SGCZ: variants seen among roughly 807,000 people sequenced by gnomAD.
SGCZ encodes the protein zeta-sarcoglycan.
SGCZ carries 40 observed loss-of-function variants against 41.3 expected under a neutral mutation model. That is an observed-to-expected ratio of 0.97 (90% CI 0.75 to 1.26). SGCZ has a LOEUF of 1.26. Ranked by LOEUF, SGCZ falls within the 50% of genes most tolerant of loss-of-function variation. The pLI, the probability that SGCZ is intolerant of heterozygous loss-of-function variation, is 0.00. For missense variants in SGCZ, 552 were observed against 369.8 expected (o/e 1.49, Z -4.04); for synonymous variants, 206 against 137.5 (o/e 1.50, Z -3.49).
chr8:14,181,765 C>A (rs1339474532), intron 4 of SGCZ, among the ~76,000 whole-genome samples: 1 of 152,178 alleles, frequency 6.6e-6, no homozygotes, highest in East Asian at 1.9e-4. Context: ...TGTGAGGCCT[C>A]CCCAGCCATG....
chr8:15,038,149 A>G (rs1480665015), intron 1 of SGCZ, among the ~76,000 whole-genome samples: 1 of 152,112 alleles, frequency 6.6e-6, no homozygotes, highest in African/African-American at 2.4e-5. Flanking sequence ...AATAACAAAA[A>G]CATTCTTGAG....
intron 3 of SGCZ, among the ~76,000 whole-genome samples, chr8:14,266,942 T>C (rs1486284715): frequency 6.6e-6 from 1 of 152,128 alleles, no homozygotes; most frequent in East Asian, 1.9e-4. Context: ...TTTCTTTTAC[T>C]AGCTAAATGA....
intron 1 of SGCZ, among the ~76,000 whole-genome samples, chr8:15,217,145 C>T (rs145138128): frequency 0.024 from 3,614 of 152,192 alleles, 75 homozygotes; most frequent in Non-Finnish European, 0.035. Context: ...TGGCCGGGCG[C>T]GGTGGCTCAC....
chr8:14,831,630 A>ATGTGTGTGTGTGTG (rs375068979), intron 1 of SGCZ, among the ~76,000 whole-genome samples: 1 of 135,074 alleles, frequency 7.4e-6, no homozygotes, highest in Non-Finnish European at 1.5e-5. Flanking sequence ...ACATAGACAC[A>ATGTGTGTGTGTGTG]TATGTGTGTG....
At chr8:14,951,657 T>C (rs117345860) in intron 1 of SGCZ, among the ~76,000 whole-genome samples, 500 of 152,170 alleles carry the variant, frequency 3.3e-3, no homozygotes, top group Non-Finnish European at 5.3e-3. Flanking sequence ...TGATCATTTG[T>C]AATTTACAAT....
intron 1 of SGCZ, among the ~76,000 whole-genome samples, chr8:14,742,082 GA>G (rs892145911): frequency 5.9e-5 from 9 of 151,534 alleles, no homozygotes; most frequent in South Asian, 2.1e-4. Flanking sequence ...GATTTAGAGG[GA>G]AAAAAAACCT....
chr8:14,450,830 A>C (rs1360707126), intron 2 of SGCZ, among the ~76,000 whole-genome samples: 2 of 152,198 alleles, frequency 1.3e-5, no homozygotes, highest in African/African-American at 4.8e-5. Flanking sequence ...CCTGGGCTTC[A>C]GCTCTATTTT....
chr8:14,738,181 A>T (rs1799102295), intron 1 of SGCZ, among the ~76,000 whole-genome samples: 1 of 152,078 alleles, frequency 6.6e-6, no homozygotes, highest in Non-Finnish European at 1.5e-5. Context: ...ATTACAAAAA[A>T]TCTCTGTTTT....
chr8:14,808,305 T>C (rs1585279112), intron 1 of SGCZ, among the ~76,000 whole-genome samples: 1 of 151,920 alleles, frequency 6.6e-6, no homozygotes, highest in East Asian at 1.9e-4. Flanking sequence ...ACCTACAAAA[T>C]GGGAGAAAAT....
intron 1 of SGCZ, among the ~76,000 whole-genome samples, chr8:14,822,185 T>C (rs1208831084): frequency 6.6e-6 from 1 of 152,086 alleles, no homozygotes; most frequent in Non-Finnish European, 1.5e-5. Flanking sequence ...AGCGTTTGTA[T>C]AGGCTAATAA....
intron 1 of SGCZ, among the ~76,000 whole-genome samples, chr8:14,839,182 G>A (rs919029587): frequency 8.5e-5 from 13 of 152,178 alleles, no homozygotes; most frequent in Non-Finnish European, 1.6e-4. Flanking sequence ...GTGAAATAGC[G>A]GGGTGATATA....
At chr8:14,646,483 C>T (rs954980120) in intron 1 of SGCZ, among the ~76,000 whole-genome samples, 9 of 151,764 alleles carry the variant, frequency 5.9e-5, no homozygotes, top group African/African-American at 2.2e-4. Flanking sequence ...AGGTTGAGTC[C>T]GTGTTTTCCT....
chr8:14,819,855 T>A (rs565540589), intron 1 of SGCZ, among the ~76,000 whole-genome samples: 1 of 151,898 alleles, frequency 6.6e-6, no homozygotes, highest in South Asian at 2.1e-4. Flanking sequence ...AGAAAGAAAT[T>A]AAAGCAGATA....
At chr8:14,115,939 CTG>C (rs1240277089) in intron 5 of SGCZ, among the ~76,000 whole-genome samples, 1 of 152,032 alleles carries the variant, frequency 6.6e-6, no homozygotes, top group African/African-American at 2.4e-5. Flanking sequence ...AAGGGAGAAA[CTG>C]TGTTTTCCAC....
chr8:14,830,348 T>C (rs1802483324), intron 1 of SGCZ, among the ~76,000 whole-genome samples: 1 of 152,188 alleles, frequency 6.6e-6, no homozygotes, highest in Non-Finnish European at 1.5e-5. Flanking sequence ...ACAGAAGTAC[T>C]CTGTATGACA....
chr8:15,203,726 T>C (rs1800970208), intron 1 of SGCZ, among the ~76,000 whole-genome samples: 1 of 152,206 alleles, frequency 6.6e-6, no homozygotes, highest in South Asian at 2.1e-4. Flanking sequence ...AAAGTCATTT[T>C]CAAAAATGCA....
intron 2 of SGCZ, among the ~76,000 whole-genome samples, chr8:14,507,794 G>T (rs1332933567): frequency 2.2e-5 from 3 of 135,238 alleles, no homozygotes; most frequent in African/African-American, 8.5e-5. Context: ...TTTTCGAGAT[G>T]GAGTTTCGTT....
Position 14,620,880 on chromosome 8 carries a change from G to T in SGCZ, c.40-65954C>A, listed in dbSNP as rs545531094. On this transcript the variant is annotated intron_variant, in intron 1 of 7. Coordinates refer to ENST00000382080, the MANE Select transcript of SGCZ (RefSeq NM_139167.4). ...TTGAACCATTGTGGAAGACAGTGTG[G>T]TGGTTCCTCAAGGATCTAGAATTAG... is the stretch of plus-strand genomic sequence containing the variant. Among the ~76,000 whole-genome samples, 607 of 152,246 alleles carry T rather than the reference G, an allele frequency of 4.0e-3. 3 individuals are homozygous for T. Among genetic ancestry groups the T allele is most frequent in the Middle Eastern group, 0.01 (3 of 294 alleles).
intron 1 of SGCZ, among the ~76,000 whole-genome samples, chr8:15,159,079 C>G (rs371971883): frequency 7.1e-4 from 108 of 152,224 alleles, no homozygotes; most frequent in African/African-American, 2.5e-3. Flanking sequence ...TCTGAAAGAC[C>G]AGCCTTCTGA....
Sources: gnomAD v4.1 joint callset for allele counts (sites outside exome capture counted in the v4.1 genomes callset) on GRCh38, gnomAD v4.1.1 for gene constraint, MANE v1.5 for transcripts, NCBI Gene and HGNC (gene_info 2026-07-23, HGNC 2026-07-21) for gene names.